The following GPC5 variants were observed in gnomAD, a reference collection of about 807,000 sequenced individuals.
GPC5 encodes the protein glypican 5, also known as glypican-5.
In GPC5, 47 loss-of-function variants were observed where a neutral mutation model predicts 53.9. That is an observed-to-expected ratio of 0.87 (90% CI 0.69 to 1.11). GPC5 has a LOEUF of 1.11. Among genes scored for constraint, GPC5 ranks in the 50% most tolerant of loss-of-function variants. The pLI is 0.00. For synonymous variants in GPC5, 286 were observed against 263.3 expected (o/e 1.09, Z -0.84); for missense variants, 748 against 713.1 (o/e 1.05, Z -0.56).
At chr13:92,711,222 T>C (rs140059552) in intron 7 of GPC5, among the ~76,000 whole-genome samples, 1 of 152,202 alleles carries the variant, frequency 6.6e-6, no homozygotes. Context: ...ATTACATGCA[T>C]AACATTTTGC....
At chr13:91,827,574 T>G (rs1178490126) in intron 5 of GPC5, among the ~76,000 whole-genome samples, 1 of 152,054 alleles carries the variant, frequency 6.6e-6, no homozygotes, top group African/African-American at 2.4e-5. Flanking sequence ...TGCTCAGTTA[T>G]TAGTCATCAT....
rs1452657655 is a variant in GPC5 at position 91,693,515 on chromosome 13, C to T, written c.654C>T (p.Ser218=). The T allele has an allele frequency of 2.5e-6, 4 of 1,613,944 alleles. No homozygotes were observed. In the East Asian group the frequency reaches 6.7e-5, roughly 27 times the overall value. ...GAGTAATGGGACAGATGGGGAGGTC[C>T]CTGCTGCCCAGCCGCACTTTTCTGC... ...PQRVMGQMGR[S]LLPSRTFLQA... The change falls in exon 3 of 8, where the codon TCC becomes TCT. Residue 218 remains serine, a synonymous_variant. Transcript: ENST00000377067.
intron 4 of GPC5, among the ~76,000 whole-genome samples, chr13:91,740,308 C>A (rs571607033): frequency 2.0e-5 from 3 of 152,130 alleles, no homozygotes; most frequent in Non-Finnish European, 4.4e-5. Flanking sequence ...TTAATATTCC[C>A]AAGTTCCTAA....
At chr13:92,430,435 C>T (rs963858104) in intron 7 of GPC5, among the ~76,000 whole-genome samples, 1 of 152,150 alleles carries the variant, frequency 6.6e-6, no homozygotes, top group African/African-American at 2.4e-5. Flanking sequence ...CGAAACTCTT[C>T]AGAGTCAATC....
chr13:91,739,891 T>C (rs1422611721), intron 4 of GPC5, among the ~76,000 whole-genome samples: 1 of 151,372 alleles, frequency 6.6e-6, no homozygotes, highest in East Asian at 1.9e-4. Flanking sequence ...ATCCATCTCA[T>C]CCACCTGTGG....
At chr13:91,418,976 T>C (rs1471917031) in intron 1 of GPC5, among the ~76,000 whole-genome samples, 1 of 152,026 alleles carries the variant, frequency 6.6e-6, no homozygotes, top group East Asian at 1.9e-4. Flanking sequence ...AAAAGGTGCA[T>C]ACTGACCTTG....
At chr13:91,469,527 A>C (rs1882475870) in intron 2 of GPC5, among the ~76,000 whole-genome samples, 1 of 152,124 alleles carries the variant, frequency 6.6e-6, no homozygotes, top group African/African-American at 2.4e-5. Flanking sequence ...TCAGCCTCCT[A>C]AGTGCTAGTC....
At chr13:91,611,583 A>G (rs906453630) in intron 2 of GPC5, among the ~76,000 whole-genome samples, 17 of 152,178 alleles carry the variant, frequency 1.1e-4, no homozygotes, top group Non-Finnish European at 1.5e-5. Context: ...AAGGTTTTTC[A>G]TCATTCCCTA....
intron 7 of GPC5, among the ~76,000 whole-genome samples, chr13:92,591,531 T>G (rs1883711794): frequency 6.6e-6 from 1 of 152,234 alleles, no homozygotes; most frequent in African/African-American, 2.4e-5. Context: ...GTATGCTCAT[T>G]GTGAAATGGT....
chr13:91,834,364 T>C (rs1470402020), intron 5 of GPC5, among the ~76,000 whole-genome samples: 2 of 152,006 alleles, frequency 1.3e-5, no homozygotes, highest in Admixed American at 6.6e-5. Context: ...CAAGCTACCA[T>C]TGACTTTCTT....
chr13:92,463,802 G>A (rs1878586156), intron 7 of GPC5, among the ~76,000 whole-genome samples: 1 of 152,078 alleles, frequency 6.6e-6, no homozygotes, highest in South Asian at 2.1e-4. Context: ...ACTATGAAAT[G>A]TCACATTTTT....
At chr13:92,660,378 G>T (rs4771861) in intron 7 of GPC5, among the ~76,000 whole-genome samples, 130,160 of 151,798 alleles carry the variant, frequency 0.86, 56,671 homozygotes, top group Non-Finnish European at 0.94. Flanking sequence ...GACACACATA[G>T]GCACATCATT....
intron 6 of GPC5, among the ~76,000 whole-genome samples, chr13:92,032,348 GTGATGGAT>G (rs1228475014): frequency 6.6e-6 from 1 of 151,194 alleles, no homozygotes; most frequent in African/African-American, 2.4e-5. Flanking sequence ...TACTGCTTGG[GTGATGGAT>G]GCACCAAAAT....
chr13:92,360,705 A>G (rs994010786), intron 7 of GPC5, among the ~76,000 whole-genome samples: 1 of 151,728 alleles, frequency 6.6e-6, no homozygotes, highest in African/African-American at 2.4e-5. Flanking sequence ...TTTGCAAATG[A>G]TATGATTCTA....
chr13:92,545,339 T>A (rs1288268679), intron 7 of GPC5, among the ~76,000 whole-genome samples: 1 of 152,214 alleles, frequency 6.6e-6, no homozygotes, highest in Non-Finnish European at 1.5e-5. Context: ...TCTGGGTTGG[T>A]TCCAATTCTT....
intron 7 of GPC5, chr13:92,447,901 G>A (rs1877896746): frequency 6.6e-6 from 1 of 152,062 alleles, no homozygotes; most frequent in Non-Finnish European, 1.5e-5. Flanking sequence ...ATTTATCTAA[G>A]AACATTGCAG....
intron 5 of GPC5, among the ~76,000 whole-genome samples, chr13:91,841,313 G>C (rs192815040): frequency 6.6e-6 from 1 of 150,610 alleles, no homozygotes; most frequent in East Asian, 1.9e-4. Flanking sequence ...GAGAATCTGA[G>C]CATGTCTTGC....
chr13:92,131,813 T>A (rs2041745967), intron 6 of GPC5, among the ~76,000 whole-genome samples: 1 of 151,976 alleles, frequency 6.6e-6, no homozygotes, highest in Non-Finnish European at 1.5e-5. Context: ...ATACTTAAGA[T>A]CTGTATACTC....
At chr13:92,336,297 T>C (rs2043322520) in intron 7 of GPC5, among the ~76,000 whole-genome samples, 1 of 152,180 alleles carries the variant, frequency 6.6e-6, no homozygotes, top group Non-Finnish European at 1.5e-5. Flanking sequence ...TAACTTATAA[T>C]TATCAGGTAG....
Sources: gnomAD v4.1 joint callset for allele counts (sites outside exome capture counted in the v4.1 genomes callset) on GRCh38, gnomAD v4.1.1 for gene constraint, MANE v1.5 for transcripts, NCBI Gene and HGNC (gene_info 2026-07-23, HGNC 2026-07-21) for gene names.